Variants in EXOC4 observed in about 807,000 individuals in gnomAD.
The protein encoded by EXOC4 is exocyst complex component 4.
EXOC4 carries 71 observed loss-of-function variants against 107.2 expected under a neutral mutation model. The ratio of observed to expected loss-of-function variants is 0.66; its 90% CI spans 0.55 to 0.81. The LOEUF (loss-of-function observed/expected upper bound fraction) is 0.81, where lower values mean the gene tolerates loss of function less well. Among genes scored for constraint, EXOC4 ranks in the 30% least tolerant of loss-of-function variants. The probability of loss-of-function intolerance (pLI) is 0.00; values close to 1 mark genes in which losing one functional copy is unlikely to be tolerated. For missense variants in EXOC4, 1,108 were observed against 1,189.6 expected (o/e 0.93, Z 1.01); for synonymous variants, 456 against 441.2 (o/e 1.03, Z -0.42).
At chr7:133,332,831 C>A (rs576000735) in intron 5 of EXOC4, among the ~76,000 whole-genome samples, 1 of 152,044 alleles carries the variant, frequency 6.6e-6, no homozygotes, top group Non-Finnish European at 1.5e-5. Flanking sequence ...GGAAATGGTT[C>A]TAAAATGTCA....
At chr7:133,887,872 G>A (rs925792360) in intron 11 of EXOC4, among the ~76,000 whole-genome samples, 3 of 152,118 alleles carry the variant, frequency 2.0e-5, no homozygotes, top group Non-Finnish European at 4.4e-5. Context: ...CTTAGCGTAG[G>A]GACGTGTAGC....
chr7:133,997,923 A>G (rs1794436196), intron 15 of EXOC4, among the ~76,000 whole-genome samples: 1 of 152,198 alleles, frequency 6.6e-6, no homozygotes, highest in East Asian at 1.9e-4. Flanking sequence ...TTTACAAACC[A>G]CAGTTTCCTT....
intron 11 of EXOC4, among the ~76,000 whole-genome samples, chr7:133,854,291 T>C (rs1175248560): frequency 6.6e-6 from 1 of 152,066 alleles, no homozygotes; most frequent in Non-Finnish European, 1.5e-5. Flanking sequence ...TGGAGGGCCA[T>C]ACCTTCGAGA....
intron 9 of EXOC4, among the ~76,000 whole-genome samples, chr7:133,494,893 G>C (rs774646225): frequency 6.6e-6 from 1 of 152,046 alleles, no homozygotes; most frequent in Non-Finnish European, 1.5e-5. Flanking sequence ...TTTCTGTTTA[G>C]TTATTAGCCA....
At chr7:133,484,389 G>A (rs1408636064) in intron 9 of EXOC4, among the ~76,000 whole-genome samples, 2 of 152,146 alleles carry the variant, frequency 1.3e-5, no homozygotes, top group Non-Finnish European at 2.9e-5. Flanking sequence ...TGTGGTTTTA[G>A]TCTCTGCCGC....
chr7:133,803,607 CA>C (rs1563004595), intron 10 of EXOC4, among the ~76,000 whole-genome samples: 1 of 152,138 alleles, frequency 6.6e-6, no homozygotes, highest in African/African-American at 2.4e-5. Flanking sequence ...GAAAATGATG[CA>C]TATTGTATCA....
chr7:133,443,407 C>G (rs1798147840), intron 7 of EXOC4, among the ~76,000 whole-genome samples: 1 of 152,160 alleles, frequency 6.6e-6, no homozygotes, highest in Non-Finnish European at 1.5e-5. Flanking sequence ...CAGAGAGCAA[C>G]TGGATAGCCT....
intron 11 of EXOC4, among the ~76,000 whole-genome samples, chr7:133,868,516 T>A (rs1243895727): frequency 1.3e-5 from 2 of 152,228 alleles, no homozygotes; most frequent in African/African-American, 4.8e-5. Flanking sequence ...AAGAGACAGT[T>A]GTCCAGTGAG....
At chr7:133,786,649 G>A (rs1169003906) in intron 10 of EXOC4, among the ~76,000 whole-genome samples, 1 of 152,168 alleles carries the variant, frequency 6.6e-6, no homozygotes, top group Non-Finnish European at 1.5e-5. Flanking sequence ...CAGGCTTAAG[G>A]CCACATAGAA....
intron 7 of EXOC4, among the ~76,000 whole-genome samples, chr7:133,408,538 G>A (rs1446048548): frequency 1.3e-5 from 2 of 151,774 alleles, no homozygotes; most frequent in Admixed American, 6.6e-5. Flanking sequence ...AGTTGAGGAG[G>A]GGGCGGTGAT....
At chr7:133,618,702 G>C (rs1305877195) in intron 9 of EXOC4, among the ~76,000 whole-genome samples, 1 of 152,092 alleles carries the variant, frequency 6.6e-6, no homozygotes, top group Non-Finnish European at 1.5e-5. Flanking sequence ...ATATGTAGGA[G>C]TGCTGTATGT....
At chr7:133,816,346 T>C (rs1252863575) in intron 10 of EXOC4, among the ~76,000 whole-genome samples, 1 of 152,194 alleles carries the variant, frequency 6.6e-6, no homozygotes, top group Non-Finnish European at 1.5e-5. Context: ...AAATTTATTT[T>C]GTTATTAAAA....
rs138260403 is a variant in EXOC4 at position 133,483,666 on chromosome 7, G to A, written c.1417+3528G>A. On this transcript the variant is annotated intron_variant, in intron 9 of 17. Coordinates refer to ENST00000253861, the MANE Select transcript of EXOC4 (RefSeq NM_021807.4). The stretch of plus-strand genomic sequence containing the variant: ...TAATCATTAAAAATACTTTAGGTGA[G>A]CTGACATATTACACACTTGGTGAGA... Among the ~76,000 whole-genome samples the A allele has an allele frequency of 1.6e-3, 244 of 152,320 alleles. 2 individuals carry two copies. The highest frequency in any genetic ancestry group is 5.6e-3 in the African/African-American group (231 of 41,568).
chr7:133,649,748 T>C (rs1383057902), intron 10 of EXOC4, among the ~76,000 whole-genome samples: 1 of 152,154 alleles, frequency 6.6e-6, no homozygotes. Flanking sequence ...TTATTTCTAC[T>C]GCTGCCTGAT....
chr7:133,911,444 G>A (rs1264126905), intron 12 of EXOC4, among the ~76,000 whole-genome samples: 1 of 152,132 alleles, frequency 6.6e-6, no homozygotes, highest in African/African-American at 2.4e-5. Context: ...AATTACTTTT[G>A]GGATTGGTGT....
At chr7:133,396,506 T>C (rs994056021) in intron 7 of EXOC4, 15 of 152,192 alleles carry the variant, frequency 9.9e-5, no homozygotes, top group Admixed American at 9.8e-4. Flanking sequence ...AAGGAATGAT[T>C]TTCAAGTGGC....
chr7:133,821,556 T>G (rs540843223), intron 11 of EXOC4, among the ~76,000 whole-genome samples: 2 of 152,360 alleles, frequency 1.3e-5, no homozygotes, highest in African/African-American at 4.8e-5. Flanking sequence ...TGTATATCTT[T>G]GTGGGTTTTA....
At chr7:133,656,069 T>G (rs2160748) in intron 10 of EXOC4, among the ~76,000 whole-genome samples, 1 of 152,090 alleles carries the variant, frequency 6.6e-6, no homozygotes, top group Non-Finnish European at 1.5e-5. Flanking sequence ...GGAATCGTAT[T>G]GGACCACCAT....
Position 133,899,677 on chromosome 7 carries a change from C to G in EXOC4, c.1871+3942C>G, listed in dbSNP as rs559383905. Among the ~76,000 whole-genome samples the G allele has an allele frequency of 2.4e-4, 37 of 152,066 alleles. 1 individual carries two copies. In the South Asian group the frequency reaches 7.1e-3, roughly 29 times the overall value. On this transcript the variant is annotated intron_variant, in intron 12 of 17. Coordinates refer to ENST00000253861, the MANE Select transcript of EXOC4 (RefSeq NM_021807.4). ...TATCTCAGTCATCTTTCTCCATTAC[C>G]CATTAGCTTGGCAGTGTCCATCTTA...
Sources: gnomAD v4.1 joint callset for allele counts (sites outside exome capture counted in the v4.1 genomes callset) on GRCh38, gnomAD v4.1.1 for gene constraint, MANE v1.5 for transcripts, NCBI Gene and HGNC (gene_info 2026-07-23, HGNC 2026-07-21) for gene names.